The following GOLGA1 variants were observed in gnomAD, a reference collection of about 807,000 sequenced individuals.
The protein encoded by GOLGA1 is golgin subfamily A member 1.
Under a neutral mutation model 119.7 loss-of-function variants are expected in GOLGA1, and 63 were observed. The observed-to-expected ratio is 0.53, with a 90% CI of 0.43 to 0.65. The LOEUF (loss-of-function observed/expected upper bound fraction) is 0.65. GOLGA1 is among the 30% of genes least tolerant of loss of function. The pLI is 0.00. For synonymous variants in GOLGA1, 318 were observed against 333.4 expected, an observed-to-expected ratio of 0.95 and a Z score of 0.50; for missense variants, 798 against 912.8, an observed-to-expected ratio of 0.87 and a Z score of 1.62.
At chr9:124,882,012 C>CA (rs1829597592) in intron 20 of GOLGA1, 58 bp from the exon 21 acceptor site, 2 of 1,295,550 alleles carry the variant, frequency 1.5e-6, no homozygotes, top group African/African-American at 3.0e-5. Context: ...TGGAAAAAAT[C>CA]ACACGGGAGG....
At chr9:124,939,574 T>C (rs1830957534) in intron 2 of GOLGA1, among the ~76,000 whole-genome samples, 1 of 136,386 alleles carries the variant, frequency 7.3e-6, no homozygotes, top group Non-Finnish European at 1.5e-5. Context: ...TTTTTTTTTT[T>C]TTTTTGAGAT....
At chr9:124,894,935 C>CTCCACAACAGAGACCCA (rs1369517565) in intron 15 of GOLGA1, among the ~76,000 whole-genome samples, 2 of 84,956 alleles carry the variant, frequency 2.4e-5, no homozygotes, top group African/African-American at 3.5e-5. Context: ...AACAGAGACC[C>CTCCACAACAGAGACCCA]TCCACAACAG....
chr9:124,912,011 G>C lies in GOLGA1; in HGVS notation c.859C>G (p.Gln287Glu), dbSNP rs1830351008. The C allele has an allele frequency of 4.3e-6, 7 of 1,613,356 alleles. No individual in the cohort carries two copies. The highest frequency in any genetic ancestry group is 5.9e-6 in the Non-Finnish European group (7 of 1,179,464). Residue 287 changes from glutamine to glutamate, a missense_variant, in exon 11 of 23, where the codon CAA (glutamine) becomes GAA (glutamate). Coordinates refer to ENST00000373555, the MANE Select transcript of GOLGA1 (RefSeq NM_002077.4). ...TGTGTGATAACGTCTTCTTTCTCTT[G>C]AGTTTCAGCAGTGACCTGCAGGTGA... is the stretch of plus-strand genomic sequence containing the variant. The part of the protein sequence containing the change: ...IDLQKVTAET[Q>E]EKEDVITHLQ...
At chr9:124,908,310 C>T (rs1830271787) in intron 12 of GOLGA1, 67 bp downstream of exon 12, 4 of 834,138 alleles carry the variant, frequency 4.8e-6, no homozygotes, top group Non-Finnish European at 8.5e-6. Context: ...GATTCTCAGT[C>T]ACACCATGTT....
rs751954822 is a variant in GOLGA1 at position 124,889,520 on chromosome 9, G to T, written c.1514C>A (p.Ala505Asp). 4.3e-6 allele frequency: 7 copies of T among 1,612,150 alleles called. No individual in the cohort carries two copies. In the Admixed American group the frequency reaches 1.2e-4, roughly 27 times the overall value. The change falls in exon 17 of 23, where the codon GCC becomes GAC. Residue 505 changes from alanine to aspartate, a missense_variant. By Grantham distance (126) the Ala-to-Asp change is moderately radical. Transcript: ENST00000373555. ...EFQQQAANLT[A>D]IIDEKEQNLR... ...ATTCTGTTCCTTCTCGTCTATTATG[G>T]CTGTCAGGTTAGCTGCCTTGGAGAG...
chr9:124,918,030 T>G (rs376634082), intron 10 of GOLGA1, among the ~76,000 whole-genome samples: 1 of 152,062 alleles, frequency 6.6e-6, no homozygotes, highest in East Asian at 1.9e-4. Flanking sequence ...TTTTGTATTT[T>G]TAGTAGAGAC....
At chr9:124,898,120 C>T (rs542546276) in intron 15 of GOLGA1, among the ~76,000 whole-genome samples, 4 of 152,284 alleles carry the variant, frequency 2.6e-5, no homozygotes, top group Non-Finnish European at 4.4e-5. Flanking sequence ...CTGATATAAA[C>T]AAGCAAAACA....
intron 14 of GOLGA1, among the ~76,000 whole-genome samples, chr9:124,899,037 A>C (rs1830040900): frequency 6.6e-6 from 1 of 152,042 alleles, no homozygotes; most frequent in Admixed American, 6.6e-5. Context: ...CTCTCCAAAA[A>C]ATTTAAAAAT....
intron 12 of GOLGA1, among the ~76,000 whole-genome samples, chr9:124,901,486 G>A (rs1431387591): frequency 2.0e-5 from 3 of 150,038 alleles, no homozygotes; most frequent in African/African-American, 4.9e-5. Context: ...CCAGGCTGGC[G>A]TGCAGTAGTG....
chr9:124,919,046 C>T (rs893603506), intron 10 of GOLGA1, among the ~76,000 whole-genome samples: 4 of 151,808 alleles, frequency 2.6e-5, no homozygotes, highest in Non-Finnish European at 5.9e-5. Context: ...CCCAGGAGTT[C>T]GAGACCAGCC....
chr9:124,933,543 T>C (rs1286462141), intron 3 of GOLGA1, among the ~76,000 whole-genome samples: 1 of 152,086 alleles, frequency 6.6e-6, no homozygotes, highest in Non-Finnish European at 1.5e-5. Context: ...GCCTCCTGAG[T>C]AGCTGGGACT....
intron 6 of GOLGA1, among the ~76,000 whole-genome samples, chr9:124,927,960 T>C (rs1441516949): frequency 2.0e-5 from 3 of 152,206 alleles, no homozygotes; most frequent in Non-Finnish European, 4.4e-5. Context: ...TTTATGAAAC[T>C]ACACAGATAC....
intron 15 of GOLGA1, among the ~76,000 whole-genome samples, chr9:124,892,606 G>T (rs938327489): frequency 3.9e-5 from 6 of 151,918 alleles, no homozygotes; most frequent in African/African-American, 1.5e-4. Context: ...AATTTCCATT[G>T]TGATTTTTTT....
In GOLGA1 at chr9:124,898,652, T is replaced by A. The variant is rs780581186; in HGVS notation, c.1312-8A>T. 6.4e-7 allele frequency: 1 copy of A among 1,553,318 alleles called. No homozygotes were observed. The highest frequency in any genetic ancestry group is 1.1e-5 in the South Asian group (1 of 89,416). On this transcript the variant is annotated splice_polypyrimidine_tract_variant and splice_region_variant and intron_variant, in intron 14 of 22. Transcript: ENST00000373555. Reference sequence around the variant, plus strand: ...TTCTTGCTCCAGTTGTCTCTGCCAATTCAGAAGAACACATATAAAAGAAGT... The same window carrying A: ...TTCTTGCTCCAGTTGTCTCTGCCAAATCAGAAGAACACATATAAAAGAAGT...
At chr9:124,902,884 G>A (rs1426627345) in intron 12 of GOLGA1, among the ~76,000 whole-genome samples, 14 of 152,158 alleles carry the variant, frequency 9.2e-5, no homozygotes, top group Admixed American at 7.9e-4. Context: ...ACTAGTCCAC[G>A]GAGAAGAACA....
At chr9:124,907,038 C>T (rs1005571431) in intron 12 of GOLGA1, among the ~76,000 whole-genome samples, 12 of 151,306 alleles carry the variant, frequency 7.9e-5, no homozygotes, top group African/African-American at 2.7e-4. Context: ...TTTAAAGGCC[C>T]ATAAATAGTT....
intron 12 of GOLGA1, among the ~76,000 whole-genome samples, chr9:124,901,471 G>C (rs1830105024): frequency 7.0e-6 from 1 of 142,448 alleles, no homozygotes; most frequent in Non-Finnish European, 1.5e-5. Flanking sequence ...GTCTCACTCT[G>C]TTGCCCAGGC....
At chr9:124,929,351 T>C in intron 4 of GOLGA1, 61 bp from the exon 5 acceptor site, 1 of 1,014,144 alleles carries the variant, frequency 9.9e-7, no homozygotes, top group Non-Finnish European at 1.6e-6. Flanking sequence ...AGGAAGTTAA[T>C]TAAACAAAAA....
At chr9:124,931,276 AG>A in intron 4 of GOLGA1, 39 bp downstream of exon 4, 1 of 912,236 alleles carries the variant, frequency 1.1e-6, no homozygotes, top group Non-Finnish European at 1.9e-6. Context: ...AAGCAAGGCA[AG>A]TTTCCTGTTG....
Sources: gnomAD v4.1 joint callset for allele counts (sites outside exome capture counted in the v4.1 genomes callset) on GRCh38, gnomAD v4.1.1 for gene constraint, MANE v1.5 for transcripts, NCBI Gene and HGNC (gene_info 2026-07-23, HGNC 2026-07-21) for gene names.